LSAMP: variants seen among roughly 807,000 people sequenced by gnomAD.
LSAMP encodes the protein limbic system associated membrane protein.
Under a neutral mutation model 38.6 loss-of-function variants are expected in LSAMP, and 7 were observed. The ratio of observed to expected loss-of-function variants is 0.18; its 90% CI spans 0.10 to 0.34. LSAMP has a LOEUF of 0.34. Ranked by LOEUF, LSAMP falls within the 10% of genes least tolerant of loss-of-function variation. The pLI is 1.00. For synonymous variants in LSAMP, 154 were observed against 166.8 expected (o/e 0.92, Z 0.59); for missense variants, 313 against 420.0 (o/e 0.75, Z 2.23).
At position 116,023,143 on chromosome 3, in the gene LSAMP, T is replaced by A. The variant is rs1378829211; in HGVS notation, c.389-3503A>T. Among the ~76,000 whole-genome samples the A allele has an allele frequency of 2.0e-5, 3 of 151,118 alleles. No homozygotes were observed. In the South Asian group the frequency reaches 6.3e-4, roughly 32 times the overall value. On this transcript the variant is annotated intron_variant, in intron 2 of 6. Coordinates refer to ENST00000490035, the MANE Select transcript of LSAMP (RefSeq NM_002338.5). ...CGTGATGTATATATACATATATATG[T>A]GTATATATACATATGTGTGTGTGTC...
chr3:116,167,912 G>A (rs1710099074), intron 1 of LSAMP, among the ~76,000 whole-genome samples: 1 of 152,162 alleles, frequency 6.6e-6, no homozygotes, highest in Non-Finnish European at 1.5e-5. Flanking sequence ...TGGGCAAGGG[G>A]TAAAAGAGCA....
At chr3:116,241,056 A>G (rs2046526389) in intron 1 of LSAMP, among the ~76,000 whole-genome samples, 1 of 151,990 alleles carries the variant, frequency 6.6e-6, no homozygotes, top group Non-Finnish European at 1.5e-5. Flanking sequence ...GCATGCCTGT[A>G]GTCCCAGCTA....
rs575748806 is a variant in LSAMP at position 115,970,495 on chromosome 3, A to G, written c.514+49020T>C. On this transcript the variant is annotated intron_variant, in intron 3 of 6. Coordinates refer to ENST00000490035, the MANE Select transcript of LSAMP (RefSeq NM_002338.5). ...TCTTCAAGTTCACACACTAATTTGC[A>G]TGAATCTGTTTGTTAGTCTACAAAA... Among the ~76,000 whole-genome samples the G allele has an allele frequency of 3.9e-5, 6 of 152,312 alleles. No individual in the cohort carries two copies. In the South Asian group the frequency reaches 1.2e-3, roughly 32 times the overall value.
chr3:116,109,027 T>A lies in LSAMP; in HGVS notation c.156-22471A>T, dbSNP rs1576367837. ...AGCAGATTGGGTAATAAAATGTATA[T>A]TGAGAATAAGACGGCCTTTTGACCT... On this transcript the variant is annotated intron_variant, in intron 1 of 6. Transcript: ENST00000490035. 2.6e-5 allele frequency among the ~76,000 whole-genome samples: 4 copies of A among 152,144 alleles called. No homozygotes were observed. The South Asian group carries it at 8.3e-4, about 32-fold the overall frequency.
At chr3:115,932,870 T>C (rs1937603279) in intron 3 of LSAMP, among the ~76,000 whole-genome samples, 2 of 152,162 alleles carry the variant, frequency 1.3e-5, no homozygotes, top group Non-Finnish European at 2.9e-5. Context: ...CCAAGGAATA[T>C]AGAATCCAAA....
At chr3:116,197,560 C>G (rs1710922625) in intron 1 of LSAMP, among the ~76,000 whole-genome samples, 1 of 152,182 alleles carries the variant, frequency 6.6e-6, no homozygotes, top group East Asian at 1.9e-4. Context: ...TCTTATTTCA[C>G]TTTCTAGGCA....
chr3:116,291,612 G>A (rs1245516671), intron 1 of LSAMP, among the ~76,000 whole-genome samples: 1 of 152,194 alleles, frequency 6.6e-6, no homozygotes, highest in East Asian at 1.9e-4. Context: ...AGTTAGAATA[G>A]GGGGTAGGGA....
intron 1 of LSAMP, among the ~76,000 whole-genome samples, chr3:116,245,362 C>T (rs1200450853): frequency 6.6e-6 from 1 of 152,150 alleles, no homozygotes; most frequent in Non-Finnish European, 1.5e-5. Flanking sequence ...TCCTATCAAA[C>T]TAATACATGT....
intron 3 of LSAMP, among the ~76,000 whole-genome samples, chr3:116,005,661 T>A (rs2107666880): frequency 6.6e-6 from 1 of 152,340 alleles, no homozygotes; most frequent in South Asian, 2.1e-4. Context: ...AATTATCTCC[T>A]CTAGCAACAA....
chr3:115,861,522 C>T (rs1003027428), intron 3 of LSAMP, among the ~76,000 whole-genome samples: 12 of 151,682 alleles, frequency 7.9e-5, no homozygotes, highest in African/African-American at 1.5e-4. Context: ...GTCCCCCTGG[C>T]GGTAGGAGAA....
chr3:115,857,777 G>C (rs992235003), intron 3 of LSAMP, among the ~76,000 whole-genome samples: 1 of 152,144 alleles, frequency 6.6e-6, no homozygotes, highest in Non-Finnish European at 1.5e-5. Flanking sequence ...CTTAGTCACT[G>C]TTTACTCAAG....
chr3:116,335,160 GAGTC>G (rs1468964935), intron 1 of LSAMP, among the ~76,000 whole-genome samples: 2 of 151,950 alleles, frequency 1.3e-5, no homozygotes, highest in African/African-American at 2.4e-5. Flanking sequence ...GCAATTAACA[GAGTC>G]AGTCAAAGAA....
In LSAMP at chr3:116,213,568, A is replaced by G. The variant is rs140332738; in HGVS notation, c.156-127012T>C. On this transcript the variant is annotated intron_variant, in intron 1 of 6. Coordinates refer to ENST00000490035, the MANE Select transcript of LSAMP (RefSeq NM_002338.5). ...AATACAAGTTGAAATCAGGATCTTCAGGTGATATTTGCATTTTCAAGTTTA... is the reference window on the plus strand; with the variant it reads ...AATACAAGTTGAAATCAGGATCTTCGGGTGATATTTGCATTTTCAAGTTTA... 2.5e-3 allele frequency among the ~76,000 whole-genome samples: 379 copies of G among 152,300 alleles called. 4 individuals carry two copies. Among genetic ancestry groups the G allele is most frequent in the African/African-American group, 8.7e-3 (363 of 41,564 alleles).
intron 1 of LSAMP, among the ~76,000 whole-genome samples, chr3:116,304,647 A>G (rs1023519280): frequency 6.6e-6 from 1 of 152,148 alleles, no homozygotes. Flanking sequence ...TGTATATTTG[A>G]CTTTCCAGGA....
At chr3:116,097,295 AT>A (rs1708245727) in intron 1 of LSAMP, among the ~76,000 whole-genome samples, 1 of 152,228 alleles carries the variant, frequency 6.6e-6, no homozygotes, top group Non-Finnish European at 1.5e-5. Context: ...AATGCTCGCA[AT>A]AAACCACAAT....
chr3:116,082,501 A>G (rs1465078716), intron 2 of LSAMP, among the ~76,000 whole-genome samples: 2 of 152,154 alleles, frequency 1.3e-5, no homozygotes, highest in Non-Finnish European at 2.9e-5. Flanking sequence ...AAGCATAGTA[A>G]GCCAAAATGT....
intron 1 of LSAMP, among the ~76,000 whole-genome samples, chr3:116,267,307 T>TTTTGGATCTATTACTTAAC (rs1455295507): frequency 6.6e-6 from 1 of 152,142 alleles, no homozygotes; most frequent in Non-Finnish European, 1.5e-5. Context: ...ATGACATGCA[T>TTTTGGATCTATTACTTAAC]TTTGGATCTA....
intron 1 of LSAMP, among the ~76,000 whole-genome samples, chr3:116,389,955 T>G (rs1576184646): frequency 6.6e-6 from 1 of 152,192 alleles, no homozygotes; most frequent in Non-Finnish European, 1.5e-5. Flanking sequence ...CTGCATAATG[T>G]ATAGTTAAAC....
intron 1 of LSAMP, among the ~76,000 whole-genome samples, chr3:116,132,749 T>A (rs889443841): frequency 2.6e-5 from 4 of 152,220 alleles, no homozygotes; most frequent in Non-Finnish European, 4.4e-5. Context: ...ACTTTTAAAT[T>A]TTTAAACAAT....
Sources: gnomAD v4.1 joint callset for allele counts (sites outside exome capture counted in the v4.1 genomes callset) on GRCh38, gnomAD v4.1.1 for gene constraint, MANE v1.5 for transcripts, NCBI Gene and HGNC (gene_info 2026-07-23, HGNC 2026-07-21) for gene names.